Variants in MCCC1 observed in about 807,000 individuals in gnomAD.
MCCC1 encodes methylcrotonoyl-CoA carboxylase subunit alpha, mitochondrial.
A neutral mutation model predicts 83.8 loss-of-function variants in MCCC1; 64 were observed. That is an observed-to-expected ratio of 0.76 (90% CI 0.62 to 0.94). MCCC1 has a LOEUF of 0.94. Ranked by LOEUF, MCCC1 falls within the 40% of genes least tolerant of loss-of-function variation. The pLI is 0.00. For synonymous variants in MCCC1, 322 were observed against 315.4 expected (o/e 1.02, Z -0.22); for missense variants, 807 against 904.7 (o/e 0.89, Z 1.39).
rs398124350 is a variant in MCCC1 at position 183,045,421 on chromosome 3, GC to G, written c.1074del (p.Trp358CysfsTer13). 2.9e-5 allele frequency: 46 copies of G among 1,613,896 alleles called. No homozygotes were observed. The highest frequency in any genetic ancestry group is 3.5e-5 in the Non-Finnish European group (41 of 1,179,974). On this transcript the variant is annotated frameshift_variant, in exon 10 of 19. Transcript: ENST00000265594. LOFTEE classifies it high-confidence loss of function. The part of the protein sequence containing the change: ...EMITGTDLVE[W>X]QLRIAAGEKI... ...AGAAAAAATATTCTCACTCTAAGCT[GC>G]CACTCCACCAAGTCAGTTCCTGTGA...
chr3:183,021,689 T>A (rs1712173156), intron 16 of MCCC1, among the ~76,000 whole-genome samples: 1 of 152,212 alleles, frequency 6.6e-6, no homozygotes, highest in South Asian at 2.1e-4. Context: ...ATACGGCCTC[T>A]ATCATCATAT....
chr3:183,028,361 G>A (rs544509320), intron 14 of MCCC1, among the ~76,000 whole-genome samples: 1 of 152,188 alleles, frequency 6.6e-6, no homozygotes. Flanking sequence ...CTCTGATGGA[G>A]ACATACAAGG....
At chr3:183,059,727 G>C (rs1448068949) in intron 7 of MCCC1, among the ~76,000 whole-genome samples, 1 of 152,154 alleles carries the variant, frequency 6.6e-6, no homozygotes, top group African/African-American at 2.4e-5. Context: ...GTTTGTCTAA[G>C]AAAGTCTTTA....
chr3:183,099,621 G>T (rs1232571863), upstream of MCCC1: 2 of 719,632 alleles, frequency 2.8e-6, no homozygotes, highest in Admixed American at 2.6e-5. Context: ...TCAAAGACCA[G>T]AGCCCGGCTT....
intron 3 of MCCC1, chr3:183,090,899 TAA>T (rs1340925966): frequency 1.2e-5 from 5 of 433,060 alleles, no homozygotes; most frequent in African/African-American, 2.0e-5. Context: ...GGAAAATTCT[TAA>T]AAAGACAAGA....
At chr3:183,099,554 G>A, upstream of MCCC1, 1 of 1,263,444 alleles carries the variant, frequency 7.9e-7, no homozygotes, top group Admixed American at 2.0e-5. Context: ...CACCGTCGGA[G>A]CCTGAGCCTA....
In MCCC1 at chr3:183,071,392, T is replaced by C. The variant is rs556185341; in HGVS notation, c.492-35A>G. On this transcript the variant is annotated intron_variant, in intron 5 of 18. Transcript: ENST00000265594. ...GGGAAAGAAAACAACATGCCCCAAATTCTACAAATTATTTCATTCAAGACA... is the reference window on the plus strand; with the variant it reads ...GGGAAAGAAAACAACATGCCCCAAACTCTACAAATTATTTCATTCAAGACA... The C allele has an allele frequency of 3.7e-6, 6 of 1,614,008 alleles. No homozygotes were observed. The South Asian group carries it at 6.6e-5, about 18-fold the overall frequency.
intron 7 of MCCC1, among the ~76,000 whole-genome samples, chr3:183,068,552 T>C (rs888801399): frequency 3.9e-5 from 6 of 152,144 alleles, no homozygotes; most frequent in African/African-American, 9.7e-5. Context: ...GTCTATGGAG[T>C]AGCCATTCTT....
At chr3:183,045,686 G>A (rs139285586) in intron 9 of MCCC1, 146 bp from the exon 10 acceptor site, 3 of 858,532 alleles carry the variant, frequency 3.5e-6, no homozygotes, top group East Asian at 5.5e-5. Context: ...TCTCGCATTT[G>A]CAGCAGCATA....
At chr3:183,073,879 A>G (rs1716875172) in intron 4 of MCCC1, among the ~76,000 whole-genome samples, 2 of 152,234 alleles carry the variant, frequency 1.3e-5, no homozygotes, top group Admixed American at 6.5e-5. Context: ...TTTAAATAAA[A>G]TAAGGGTGAC....
At chr3:183,052,052 C>T in intron 9 of MCCC1, 107 bp downstream of exon 9, 2 of 1,013,128 alleles carry the variant, frequency 2.0e-6, no homozygotes, top group Non-Finnish European at 3.1e-6. Flanking sequence ...TGAATATGGT[C>T]AAAACAGCTT....
chr3:183,018,772 T>C (rs1222220140), intron 17 of MCCC1, among the ~76,000 whole-genome samples: 1 of 152,230 alleles, frequency 6.6e-6, no homozygotes, highest in Non-Finnish European at 1.5e-5. Flanking sequence ...ACTGGTTTTC[T>C]TGTTTTGGGG....
intron 14 of MCCC1, among the ~76,000 whole-genome samples, chr3:183,031,964 C>T (rs1713119579): frequency 6.6e-6 from 1 of 152,050 alleles, no homozygotes; most frequent in African/African-American, 2.4e-5. Flanking sequence ...CCACTGTGAC[C>T]AGCCTGGTCT....
intron 4 of MCCC1, among the ~76,000 whole-genome samples, chr3:183,083,048 A>G (rs1717629296): frequency 6.6e-6 from 1 of 152,170 alleles, no homozygotes; most frequent in Non-Finnish European, 1.5e-5. Context: ...CAATATAGCC[A>G]TATCACCAGA....
At chr3:183,023,693 T>A (rs140087895) in intron 15 of MCCC1, among the ~76,000 whole-genome samples, 1 of 152,322 alleles carries the variant, frequency 6.6e-6, no homozygotes, top group East Asian at 1.9e-4. Flanking sequence ...TACATACCAC[T>A]GATAAATCTG....
Position 183,024,387 on chromosome 3 carries a change from G to A in MCCC1, c.1731+1368C>T, listed in dbSNP as rs1712411338. Among the ~76,000 whole-genome samples the A allele has an allele frequency of 2.0e-5, 3 of 152,178 alleles. No individual in the cohort carries two copies. In the South Asian group the frequency reaches 6.2e-4, roughly 32 times the overall value. ...ATCACTCTGATGGCTAATGGAATGT[G>A]TACTTGTGATTAGGTTTTACAATTT... On this transcript the variant is annotated intron_variant, in intron 15 of 18. Transcript: ENST00000265594.
intron 2 of MCCC1, among the ~76,000 whole-genome samples, chr3:183,092,942 G>A (rs1024624617): frequency 1.3e-5 from 2 of 152,104 alleles, no homozygotes; most frequent in Admixed American, 6.5e-5. Flanking sequence ...CCCCCAGGTT[G>A]GAGTGCAATG....
At chr3:183,106,507 T>C (rs754160794) in intron 1 of MCCC1, among the ~76,000 whole-genome samples, 61 of 151,672 alleles carry the variant, frequency 4.0e-4, no homozygotes, top group Non-Finnish European at 8.8e-4. Flanking sequence ...TCTTTCTTTC[T>C]TTCTTTTTTG....
intron 1 of MCCC1, among the ~76,000 whole-genome samples, chr3:183,096,638 CT>C (rs1426737646): frequency 1.3e-4 from 20 of 152,288 alleles, no homozygotes; most frequent in African/African-American, 4.8e-4. Context: ...ACTCATTGCC[CT>C]ACAATGCACA....
Sources: gnomAD v4.1 joint callset for allele counts (sites outside exome capture counted in the v4.1 genomes callset) on GRCh38, gnomAD v4.1.1 for gene constraint, MANE v1.5 for transcripts, NCBI Gene and HGNC (gene_info 2026-07-23, HGNC 2026-07-21) for gene names.